Variants in CARD8 observed in about 807,000 individuals in gnomAD.
The protein encoded by CARD8 is caspase recruitment domain-containing protein 8.
CARD8 carries 38 observed loss-of-function variants against 53.2 expected under a neutral mutation model. The observed-to-expected ratio is 0.71, with a 90% CI of 0.55 to 0.94. The LOEUF (loss-of-function observed/expected upper bound fraction) is 0.94, where lower values mean the gene tolerates loss of function less well. CARD8 is among the 40% of genes least tolerant of loss of function. CARD8 has a pLI of 0.00. For synonymous variants in CARD8, 245 were observed against 244.9 expected (o/e 1.00, Z 0.00); for missense variants, 561 against 655.5 (o/e 0.86, Z 1.57).
rs1310113659 is a variant in CARD8, at chr19:48,211,176, G to A, written c.*534C>T. 1 of 151,660 alleles carries A rather than the reference G, an allele frequency of 6.6e-6. No individual in the cohort carries two copies. Among genetic ancestry groups the A allele is most frequent in the African/African-American group, 2.4e-5 (1 of 41,030 alleles). 9.4% of individuals were successfully genotyped at this position (151,660 alleles called of 1,614,324 possible). ...CTCTTTCAGCAAATACATTTACATT[G>A]TTCTAATAACAGTAGCCATAGATAA... On this transcript the variant is annotated 3_prime_UTR_variant, in exon 14 of 14. Coordinates refer to ENST00000651546, the MANE Select transcript of CARD8 (RefSeq NM_001184900.3).
In CARD8 at chr19:48,214,769, C is replaced by CTTTTTTTTTTT. The variant is rs531199248; in HGVS notation, c.1348+560_1348+570dup. 3.7e-4 allele frequency among the ~76,000 whole-genome samples: 33 copies of CTTTTTTTTTTT among 89,564 alleles called. 1 individual carries two copies. The highest frequency in any genetic ancestry group is 4.1e-4 in the South Asian group (1 of 2,456). The allele number at this position is 89,564 out of a possible 152,430, so 58.8% of individuals were successfully genotyped here. A position where few individuals can be genotyped will look rare whatever the true frequency, so the allele number is the denominator to read the frequency against. ...CCTTCCTTTCATTCCTGCTATAAAG[C>CTTTTTTTTTTT]TTTTTTTTTTTTTTTTTTTTTTTTT... is the stretch of plus-strand genomic sequence containing the variant. On this transcript the variant is annotated intron_variant, in intron 13 of 13. Coordinates refer to ENST00000651546, the MANE Select transcript of CARD8 (RefSeq NM_001184900.3).
chr19:48,240,682 T>A (rs2044830425), intron 4 of CARD8, among the ~76,000 whole-genome samples: 1 of 151,300 alleles, frequency 6.6e-6, no homozygotes, highest in Non-Finnish European at 1.5e-5. Flanking sequence ...GGCAGAAGAA[T>A]CGCTTGAACC....
At chr19:48,232,060 G>C (rs1319754599) in intron 7 of CARD8, 7 of 586,280 alleles carry the variant, frequency 1.2e-5, no homozygotes, top group Non-Finnish European at 2.2e-5. Context: ...GGACAGCTTT[G>C]GTGGGAGGCA....
At chr19:48,252,385 G>A (rs1326568385) in intron 1 of CARD8, among the ~76,000 whole-genome samples, 2 of 151,554 alleles carry the variant, frequency 1.3e-5, no homozygotes, top group Non-Finnish European at 2.9e-5. Context: ...GACATTTTGG[G>A]TAAAACGTAT....
chr19:48,208,020 G>A (rs1225436943), downstream of CARD8: 2 of 152,146 alleles, frequency 1.3e-5, no homozygotes, highest in African/African-American at 4.8e-5. Flanking sequence ...ACAGGCGTGA[G>A]CCACTGCATC....
intron 1 of CARD8, among the ~76,000 whole-genome samples, chr19:48,255,489 G>A (rs1044529757): frequency 1.3e-5 from 2 of 152,094 alleles, no homozygotes; most frequent in African/African-American, 4.8e-5. Flanking sequence ...CATAAACATT[G>A]GTATAAAAAT....
At chr19:48,231,901 T>C (rs2042965262) in intron 7 of CARD8, 91 bp from the exon 8 acceptor site, 2 of 1,121,084 alleles carry the variant, frequency 1.8e-6, no homozygotes, top group Admixed American at 3.5e-5. Flanking sequence ...ACAGGTGCTG[T>C]TGGGATACAG....
intron 1 of CARD8, among the ~76,000 whole-genome samples, chr19:48,251,123 G>T (rs369209143): frequency 6.6e-6 from 1 of 152,260 alleles, no homozygotes; most frequent in East Asian, 1.9e-4. Context: ...ATAGCATGTC[G>T]TATTAGCAAC....
downstream of CARD8, among the ~76,000 whole-genome samples, chr19:48,205,924 G>GTC (rs1436037518): frequency 6.6e-6 from 1 of 152,090 alleles, no homozygotes; most frequent in African/African-American, 2.4e-5. Flanking sequence ...TTGAGACAGA[G>GTC]TCTCACTCTG....
chr19:48,234,269 T>C (rs1049482725), intron 6 of CARD8, 134 bp downstream of exon 6: 3 of 852,562 alleles, frequency 3.5e-6, no homozygotes, highest in Non-Finnish European at 3.6e-6. Flanking sequence ...CTGGATTCAT[T>C]GCTAGTATTG....
chr19:48,229,019 A>T (rs1012695466), intron 10 of CARD8, among the ~76,000 whole-genome samples: 12 of 152,068 alleles, frequency 7.9e-5, no homozygotes, highest in Non-Finnish European at 4.4e-5. Flanking sequence ...CACATCCGTA[A>T]TCCCAGCTAC....
intron 10 of CARD8, among the ~76,000 whole-genome samples, chr19:48,226,865 C>T (rs1356758330): frequency 6.6e-6 from 1 of 151,908 alleles, no homozygotes; most frequent in East Asian, 1.9e-4. Context: ...CACTTGAGGT[C>T]AAGAGTTCAA....
rs779644048 is a variant in CARD8, at chr19:48,221,747, G to A, written c.1144C>T (p.Leu382=). Residue 382 remains leucine, a synonymous_variant, in exon 11 of 14, where the codon CTG becomes TTG. Transcript: ENST00000651546. ...CTACTAACCTTGGGCATTACTTTCA[G>A]GTTAGCAGAATTAGACACAATATAA... ...SSYIVSNSAN[L]KVMPKELKLS... is the part of the protein sequence containing the mutation. The A allele has an allele frequency of 1.3e-6, 2 of 1,598,928 alleles. No homozygotes were observed. The highest frequency in any genetic ancestry group is 2.2e-5 in the East Asian group (1 of 44,704).
At chr19:48,237,492 C>A (rs1410454622) in intron 5 of CARD8, among the ~76,000 whole-genome samples, 1 of 151,998 alleles carries the variant, frequency 6.6e-6, no homozygotes, top group Non-Finnish European at 1.5e-5. Context: ...AATCATATCG[C>A]TATTGTTACA....
intron 8 of CARD8, 94 bp downstream of exon 8, chr19:48,231,566 G>T: frequency 7.8e-7 from 1 of 1,279,038 alleles, no homozygotes. Context: ...ACCTCCCAAA[G>T]TGCCGAGATT....
chr19:48,238,590 A>G, intron 4 of CARD8, 58 bp from the exon 5 acceptor site: 1 of 1,485,136 alleles, frequency 6.7e-7, no homozygotes, highest in Non-Finnish European at 9.1e-7. Flanking sequence ...CGATGGTGGG[A>G]CAATCTCCTC....
chr19:48,241,065 T>C lies in CARD8; in HGVS notation c.-43-2A>G, dbSNP rs1234928747. ...TGTCTTTACTGTATCTTTTTTACCC[T>C]GAAAAAATAAAAGGAGGTTGTATTT... On this transcript the variant is annotated splice_acceptor_variant, in intron 3 of 13. Transcript: ENST00000651546. LOFTEE classifies it low-confidence loss of function (5UTR_SPLICE). The C allele has an allele frequency of 2.1e-6, 3 of 1,447,682 alleles. No individual in the cohort carries two copies. Among genetic ancestry groups the C allele is most frequent in the Admixed American group, 2.0e-5 (1 of 49,862 alleles). The allele number at this position is 1,447,682 out of a possible 1,614,324, so 89.7% of individuals were successfully genotyped here.
downstream of CARD8, among the ~76,000 whole-genome samples, chr19:48,205,436 G>C (rs2037308627): frequency 6.6e-6 from 1 of 151,998 alleles, no homozygotes. Context: ...CACCATGTTG[G>C]CCAGGCTGGT....
chr19:48,248,065 C>T (rs2046398346), intron 3 of CARD8, among the ~76,000 whole-genome samples: 1 of 152,028 alleles, frequency 6.6e-6, no homozygotes, highest in African/African-American at 2.4e-5. Context: ...TACTCTTCAC[C>T]TTAAATTGTC....
Sources: allele counts gnomAD v4.1 joint callset (sites outside exome capture counted in the v4.1 genomes callset), GRCh38; gene constraint gnomAD v4.1.1; transcripts MANE v1.5; gene names NCBI Gene and HGNC (gene_info 2026-07-23, HGNC 2026-07-21).